LDB2: variants seen among roughly 807,000 people sequenced by gnomAD.
The protein encoded by LDB2 is LIM domain-binding protein 2.
In LDB2, 12 loss-of-function variants were observed where a neutral mutation model predicts 44.3. The ratio of observed to expected loss-of-function variants is 0.27; its 90% CI spans 0.17 to 0.44. The LOEUF (loss-of-function observed/expected upper bound fraction) is 0.44. LDB2 is among the 20% of genes least tolerant of loss of function. The pLI is 1.00. For synonymous variants in LDB2, 164 were observed against 174.8 expected, an observed-to-expected ratio of 0.94 and a Z score of 0.49; for missense variants, 344 against 473.5, an observed-to-expected ratio of 0.73 and a Z score of 2.54.
intron 1 of LDB2, among the ~76,000 whole-genome samples, chr4:16,831,774 G>A (rs1392936112): frequency 1.3e-5 from 2 of 152,192 alleles, no homozygotes; most frequent in East Asian, 3.9e-4. Flanking sequence ...TGGAAACTAA[G>A]TGTGACCATG....
At position 16,779,150 on chromosome 4, in the gene LDB2, G is replaced by T. The variant is rs534748348; in HGVS notation, c.133-19890C>A. Among the ~76,000 whole-genome samples the T allele has an allele frequency of 2.0e-5, 3 of 152,252 alleles. No homozygotes were observed. The East Asian group carries it at 5.8e-4, about 30-fold the overall frequency. On this transcript the variant is annotated intron_variant, in intron 1 of 7. Transcript: ENST00000304523. The stretch of plus-strand genomic sequence containing the variant: ...GGCACTGAGCTGGAGGGGAGCCTCC[G>T]CAGAACTTGGCTTTGGGAGCCTGGG...
intron 5 of LDB2, among the ~76,000 whole-genome samples, chr4:16,539,245 A>T (rs575513878): frequency 6.6e-6 from 1 of 150,494 alleles, no homozygotes; most frequent in South Asian, 2.2e-4. Context: ...GGTGGGTATT[A>T]TCTGGGTAAA....
intron 2 of LDB2, among the ~76,000 whole-genome samples, chr4:16,627,609 C>T (rs142039856): frequency 3.9e-5 from 6 of 152,252 alleles, no homozygotes; most frequent in African/African-American, 1.2e-4. Context: ...CTTTCCTAAG[C>T]GTACACAGAC....
intron 2 of LDB2, among the ~76,000 whole-genome samples, chr4:16,639,336 C>T (rs1734510339): frequency 6.6e-6 from 1 of 152,096 alleles, no homozygotes; most frequent in Admixed American, 6.6e-5. Context: ...CTTCAGAGAG[C>T]ACTATGAAAC....
At chr4:16,865,035 C>G (rs913065680) in intron 1 of LDB2, among the ~76,000 whole-genome samples, 6 of 152,056 alleles carry the variant, frequency 3.9e-5, no homozygotes, top group African/African-American at 1.4e-4. Flanking sequence ...CACTTGAGGT[C>G]AGGAGTTAAG....
intron 2 of LDB2, among the ~76,000 whole-genome samples, chr4:16,668,533 C>T (rs1488789292): frequency 6.6e-6 from 1 of 152,162 alleles, no homozygotes; most frequent in Non-Finnish European, 1.5e-5. Flanking sequence ...CCATGAAGGC[C>T]ACTACACTTT....
intron 2 of LDB2, among the ~76,000 whole-genome samples, chr4:16,673,738 G>A (rs1342360754): frequency 1.3e-5 from 2 of 152,122 alleles, no homozygotes; most frequent in African/African-American, 4.8e-5. Flanking sequence ...TAGAGGCCAG[G>A]GATGCTGCCA....
intron 2 of LDB2, among the ~76,000 whole-genome samples, chr4:16,681,371 C>T (rs551741740): frequency 2.8e-4 from 42 of 152,224 alleles, no homozygotes; most frequent in Non-Finnish European, 1.3e-4. Context: ...AATGAGCTTG[C>T]AAGTAAAATA....
At chr4:16,688,746 A>G (rs1317857145) in intron 2 of LDB2, among the ~76,000 whole-genome samples, 3 of 152,236 alleles carry the variant, frequency 2.0e-5, no homozygotes, top group Non-Finnish European at 4.4e-5. Context: ...TACCAAATCT[A>G]CAGGCTCAAT....
At chr4:16,563,232 A>T (rs1377748520) in intron 5 of LDB2, among the ~76,000 whole-genome samples, 2 of 150,830 alleles carry the variant, frequency 1.3e-5, no homozygotes, top group Non-Finnish European at 3.0e-5. Flanking sequence ...TAATAATAAA[A>T]AGACATTATT....
At chr4:16,796,604 T>G (rs568475228) in intron 1 of LDB2, among the ~76,000 whole-genome samples, 8 of 152,254 alleles carry the variant, frequency 5.3e-5, no homozygotes, top group South Asian at 4.2e-4. Context: ...TCCCTACCCC[T>G]TAAGCTTGGG....
At chr4:16,886,431 C>G (rs974787792) in intron 1 of LDB2, among the ~76,000 whole-genome samples, 1 of 152,108 alleles carries the variant, frequency 6.6e-6, no homozygotes, top group Admixed American at 6.5e-5. Flanking sequence ...AAAGGATGCT[C>G]AATATGCTTG....
At chr4:16,826,393 C>T (rs1341692953) in intron 1 of LDB2, 1 of 152,158 alleles carries the variant, frequency 6.6e-6, no homozygotes, top group Non-Finnish European at 1.5e-5. Flanking sequence ...TGAAGAGATT[C>T]TGGCCATTTA....
chr4:16,555,977 T>G (rs1739429666), intron 5 of LDB2, among the ~76,000 whole-genome samples: 1 of 152,070 alleles, frequency 6.6e-6, no homozygotes, highest in Non-Finnish European at 1.5e-5. Flanking sequence ...GATTCCTGAG[T>G]CAGGATTGAT....
chr4:16,774,484 T>C lies in LDB2; in HGVS notation c.133-15224A>G, dbSNP rs371974050. ...GCACTGCATGGATGGAGTCACCATCTTCTTTGGGTTGTTTTCTGTATTCTT... is the reference window on the plus strand; with the variant it reads ...GCACTGCATGGATGGAGTCACCATCCTCTTTGGGTTGTTTTCTGTATTCTT... On this transcript the variant is annotated intron_variant, in intron 1 of 7. Coordinates refer to ENST00000304523, the MANE Select transcript of LDB2 (RefSeq NM_001290.5). Among the ~76,000 whole-genome samples, 35 of 152,346 alleles carry C rather than the reference T, an allele frequency of 2.3e-4. No homozygotes were observed. In the East Asian group the frequency reaches 6.4e-3, roughly 28 times the overall value.
At chr4:16,707,226 G>C (rs1224793076) in intron 2 of LDB2, among the ~76,000 whole-genome samples, 2 of 152,078 alleles carry the variant, frequency 1.3e-5, no homozygotes, top group Non-Finnish European at 2.9e-5. Context: ...TTATGCCACT[G>C]AGAACTTTAC....
chr4:16,650,285 C>T (rs918648999), intron 2 of LDB2, among the ~76,000 whole-genome samples: 1 of 152,120 alleles, frequency 6.6e-6, no homozygotes, highest in African/African-American at 2.4e-5. Context: ...TAATACATGC[C>T]AAATACTTAG....
intron 1 of LDB2, among the ~76,000 whole-genome samples, chr4:16,850,127 G>A (rs1787888087): frequency 1.3e-5 from 2 of 152,156 alleles, no homozygotes; most frequent in Non-Finnish European, 2.9e-5. Flanking sequence ...ATTAGAAAGA[G>A]GGCCTCTGGA....
Position 16,692,013 on chromosome 4 carries a change from T to A in LDB2, c.235+67145A>T, listed in dbSNP as rs1750890459. On this transcript the variant is annotated intron_variant, in intron 2 of 7. Coordinates refer to ENST00000304523, the MANE Select transcript of LDB2 (RefSeq NM_001290.5). ...TTCCTCTTTGATATTCCAGTGACTT[T>A]ATTGTGCTGAATCTGTGGCATTGGT... Among the ~76,000 whole-genome samples the A allele has an allele frequency of 2.0e-5, 3 of 152,196 alleles. No homozygotes were observed. In the South Asian group the frequency reaches 6.2e-4, roughly 32 times the overall value.
Sources: gnomAD v4.1 joint callset for allele counts (sites outside exome capture counted in the v4.1 genomes callset) on GRCh38, gnomAD v4.1.1 for gene constraint, MANE v1.5 for transcripts, NCBI Gene and HGNC (gene_info 2026-07-23, HGNC 2026-07-21) for gene names.